Variants in CCDC85A observed in about 807,000 individuals in gnomAD.
The protein encoded by CCDC85A is coiled-coil domain containing 85A.
Under a neutral mutation model 50.2 loss-of-function variants are expected in CCDC85A, and 38 were observed. The observed-to-expected ratio is 0.76, with a 90% CI of 0.58 to 0.99. The LOEUF (loss-of-function observed/expected upper bound fraction) is 0.99. Ranked by LOEUF, CCDC85A falls within the 50% of genes least tolerant of loss-of-function variation. CCDC85A has a pLI of 0.00. For synonymous variants in CCDC85A, 366 were observed against 301.4 expected (o/e 1.21, Z -2.22); for missense variants, 820 against 742.0 (o/e 1.11, Z -1.22).
At chr2:56,252,867 C>A (rs1669827590) in intron 2 of CCDC85A, among the ~76,000 whole-genome samples, 1 of 151,928 alleles carries the variant, frequency 6.6e-6, no homozygotes, top group African/African-American at 2.4e-5. Context: ...CTGCAAAGGA[C>A]ATGAATTCAT....
At position 56,375,886 on chromosome 2, in the gene CCDC85A, G is replaced by C. The variant is rs766652369; in HGVS notation, c.1523G>C (p.Gly508Ala). ...SSPNSAASFS[G>A]HATPSQQPEP... ...CCCAACTCTGCAGCTAGCTTCAGTG[G>C]ACATGCCACACCTTCCCAGCAGCCT... Residue 508 changes from glycine to alanine, a missense_variant, in exon 5 of 6, where the codon GGA becomes GCA. Coordinates refer to ENST00000407595, the MANE Select transcript of CCDC85A (RefSeq NM_001080433.2). The C allele has an allele frequency of 1.9e-6, 3 of 1,613,800 alleles. No homozygotes were observed. In the East Asian group the frequency reaches 6.7e-5, roughly 36 times the overall value.
chr2:56,326,623 T>A (rs1239862125), intron 2 of CCDC85A, among the ~76,000 whole-genome samples: 1 of 152,164 alleles, frequency 6.6e-6, no homozygotes, highest in Non-Finnish European at 1.5e-5. Context: ...TGGCTGGATT[T>A]AAGAGGACTC....
intron 3 of CCDC85A, among the ~76,000 whole-genome samples, chr2:56,356,180 G>C (rs995816561): frequency 6.6e-6 from 1 of 152,208 alleles, no homozygotes; most frequent in Non-Finnish European, 1.5e-5. Flanking sequence ...GGGAATGATT[G>C]GTCGTTATGC....
chr2:56,356,060 A>T (rs1268654765), intron 3 of CCDC85A, among the ~76,000 whole-genome samples: 2 of 152,214 alleles, frequency 1.3e-5, no homozygotes. Context: ...GCATTTTCAT[A>T]TGTGATGAAA....
At chr2:56,269,381 G>C (rs1052415996) in intron 2 of CCDC85A, among the ~76,000 whole-genome samples, 1 of 150,916 alleles carries the variant, frequency 6.6e-6, no homozygotes, top group African/African-American at 2.4e-5. Context: ...GGAAAAGTTG[G>C]AGTGGAAGGA....
chr2:56,261,764 C>T (rs764123488), intron 2 of CCDC85A, among the ~76,000 whole-genome samples: 38 of 152,272 alleles, frequency 2.5e-4, no homozygotes, highest in African/African-American at 3.6e-4. Context: ...ATGGGCACAG[C>T]GAGAACTGAC....
At chr2:56,228,267 C>T (rs1207723178) in intron 2 of CCDC85A, among the ~76,000 whole-genome samples, 1 of 151,970 alleles carries the variant, frequency 6.6e-6, no homozygotes, top group African/African-American at 2.4e-5. Context: ...CAACATGGCA[C>T]ATGTATACAT....
intron 2 of CCDC85A, among the ~76,000 whole-genome samples, chr2:56,270,655 TTTTAAC>T (rs1670657854): frequency 6.6e-6 from 1 of 152,244 alleles, no homozygotes; most frequent in Non-Finnish European, 1.5e-5. Context: ...CGTTTTAGTT[TTTTAAC>T]TTTATTTTTA....
intron 2 of CCDC85A, among the ~76,000 whole-genome samples, chr2:56,245,858 C>T (rs963002788): frequency 6.6e-6 from 1 of 152,288 alleles, no homozygotes; most frequent in South Asian, 2.1e-4. Flanking sequence ...AGGCCTTCAC[C>T]AGACCAAATG....
rs13404505 is a variant in CCDC85A, at chr2:56,302,129, G to A, written c.1241-40750G>A. Among the ~76,000 whole-genome samples, 426 of 152,086 alleles carry A rather than the reference G, an allele frequency of 2.8e-3. 1 individual carries two copies. The highest frequency in any genetic ancestry group is 9.6e-3 in the African/African-American group (397 of 41,488). On this transcript the variant is annotated intron_variant, in intron 2 of 5. Coordinates refer to ENST00000407595, the MANE Select transcript of CCDC85A (RefSeq NM_001080433.2). Reference sequence around the variant, plus strand: ...AAATTACCCGGGCCTGGTGGTGGGCGCCTGTAATCCCAGCTAATCGGGAGG... The same window carrying A: ...AAATTACCCGGGCCTGGTGGTGGGCACCTGTAATCCCAGCTAATCGGGAGG...
At chr2:56,336,200 G>A (rs1385326515) in intron 2 of CCDC85A, among the ~76,000 whole-genome samples, 2 of 151,552 alleles carry the variant, frequency 1.3e-5, no homozygotes, top group East Asian at 3.9e-4. Flanking sequence ...GTCCCCCCAG[G>A]CTGGAGTGCA....
intron 3 of CCDC85A, among the ~76,000 whole-genome samples, chr2:56,364,289 A>G (rs1321134514): frequency 6.6e-6 from 1 of 152,000 alleles, no homozygotes; most frequent in Non-Finnish European, 1.5e-5. Flanking sequence ...TTTTGTAAAA[A>G]GGCATCCTGC....
In CCDC85A at chr2:56,193,381, G is replaced by C. The variant is rs746576522; in HGVS notation, c.1181G>C (p.Arg394Thr). 6.2e-7 allele frequency: 1 copy of C among 1,611,504 alleles called. No individual in the cohort carries two copies. The highest frequency in any genetic ancestry group is 8.5e-7 in the Non-Finnish European group (1 of 1,178,842). The change falls in exon 2 of 6, where the codon AGA becomes ACA. Residue 394 changes from arginine (R) to threonine (T), a missense_variant. Arg to Thr is a moderately conservative substitution (Grantham distance 71, BLOSUM62 -1). Transcript: ENST00000407595. ...GGAGGCAGCAGGGAGGGCACCCTCA[G>C]ACGGCAGGCACAGGAGGACGGGTCA... ...SGGGSREGTL[R>T]RQAQEDGSPH...
At chr2:56,279,355 A>G (rs1052059249) in intron 2 of CCDC85A, among the ~76,000 whole-genome samples, 1 of 152,088 alleles carries the variant, frequency 6.6e-6, no homozygotes, top group Non-Finnish European at 1.5e-5. Context: ...CCACCACACA[A>G]TTTTAAAACA....
intron 2 of CCDC85A, among the ~76,000 whole-genome samples, chr2:56,235,677 G>C (rs1395331140): frequency 6.6e-6 from 1 of 152,050 alleles, no homozygotes; most frequent in Non-Finnish European, 1.5e-5. Flanking sequence ...CCTAGCAGAG[G>C]AAAAAGACAT....
intron 2 of CCDC85A, among the ~76,000 whole-genome samples, chr2:56,226,327 A>G (rs1027609107): frequency 6.6e-6 from 1 of 152,292 alleles, no homozygotes; most frequent in Non-Finnish European, 1.5e-5. Flanking sequence ...TTTGCTTACC[A>G]TTGGTTACCC....
chr2:56,384,664 C>T lies in CCDC85A; in HGVS notation c.*309C>T, dbSNP rs746036488. 1.9e-4 allele frequency: 48 copies of T among 248,020 alleles called. No homozygotes were observed. Among genetic ancestry groups the T allele is most frequent in the Non-Finnish European group, 3.2e-4 (40 of 125,034 alleles). The allele number at this position is 248,020 out of a possible 1,614,324, so 15.4% of individuals were successfully genotyped here. A position where few individuals can be genotyped will look rare whatever the true frequency, so the allele number is the denominator to read the frequency against. The stretch of plus-strand genomic sequence containing the variant: ...TCATTAGAAATAAGTGTTTTTAACT[C>T]CCCAGATATAATATTGTAATTGGGA... On this transcript the variant is annotated 3_prime_UTR_variant, in exon 6 of 6. Transcript: ENST00000407595.
chr2:56,330,476 G>A (rs1673729989), intron 2 of CCDC85A, among the ~76,000 whole-genome samples: 1 of 152,188 alleles, frequency 6.6e-6, no homozygotes, highest in Admixed American at 6.5e-5. Flanking sequence ...ACTTTCAGTA[G>A]CATCTGGGAA....
In CCDC85A at chr2:56,223,043, A is replaced by G. The variant is rs180912177; in HGVS notation, c.1240+29603A>G. Among the ~76,000 whole-genome samples, 7 of 152,256 alleles carry G rather than the reference A, an allele frequency of 4.6e-5. No individual in the cohort carries two copies. In the East Asian group the frequency reaches 1.4e-3, roughly 29 times the overall value. On this transcript the variant is annotated intron_variant, in intron 2 of 5. Transcript: ENST00000407595. ...GTAAGTGCCAAGGTTTTCTATTGGT[A>G]GGATATGAAAAAGCATGTATTTAAG...
Sources: allele counts gnomAD v4.1 joint callset (sites outside exome capture counted in the v4.1 genomes callset), GRCh38; gene constraint gnomAD v4.1.1; transcripts MANE v1.5; gene names NCBI Gene and HGNC (gene_info 2026-07-23, HGNC 2026-07-21).